The following RNLS variants were observed in gnomAD, a reference collection of about 807,000 sequenced individuals.
RNLS encodes renalase, FAD dependent amine oxidase.
RNLS carries 39 observed loss-of-function variants against 39.8 expected under a neutral mutation model. The observed-to-expected ratio is 0.98, with a 90% CI of 0.76 to 1.28. RNLS has a LOEUF of 1.28. Ranked by LOEUF, RNLS falls within the 50% of genes most tolerant of loss-of-function variation. RNLS has a pLI of 0.00. For synonymous variants in RNLS, 147 were observed against 150.7 expected (o/e 0.98, Z 0.18); for missense variants, 410 against 413.3 (o/e 0.99, Z 0.07).
At chr10:88,565,894 C>T (rs575064789) in intron 4 of RNLS, among the ~76,000 whole-genome samples, 2 of 151,462 alleles carry the variant, frequency 1.3e-5, no homozygotes, top group Non-Finnish European at 1.5e-5. Context: ...GGACTACAGG[C>T]GCACTCCACC....
the RNLS span, among the ~76,000 whole-genome samples, chr10:88,202,471 T>C: frequency 6.6e-6 from 1 of 152,178 alleles, no homozygotes; most frequent in Non-Finnish European, 1.5e-5. Context: ...TTTTAGTTTC[T>C]TTCTCATCAC....
intron 4 of RNLS, among the ~76,000 whole-genome samples, chr10:88,482,207 C>G (rs2134023276): frequency 6.6e-6 from 1 of 152,220 alleles, no homozygotes; most frequent in Non-Finnish European, 1.5e-5. Context: ...TTTGGCAACT[C>G]TTTGGCCATT....
intron 4 of RNLS, among the ~76,000 whole-genome samples, chr10:88,377,927 C>A (rs572012093): frequency 2.0e-5 from 3 of 151,842 alleles, no homozygotes; most frequent in African/African-American, 7.2e-5. Context: ...CATAGCTGTA[C>A]GAAAATATTT....
chr10:88,188,188 C>T, the RNLS span, among the ~76,000 whole-genome samples: 1 of 152,138 alleles, frequency 6.6e-6, no homozygotes, highest in Non-Finnish European at 1.5e-5. Context: ...TCCTGCATAG[C>T]TAGGACTACA....
At chr10:88,511,978 T>A (rs974869984) in intron 4 of RNLS, among the ~76,000 whole-genome samples, 1 of 152,176 alleles carries the variant, frequency 6.6e-6, no homozygotes, top group Admixed American at 6.6e-5. Context: ...ATTGTGGATA[T>A]TTAAGTTGTT....
intron 4 of RNLS, among the ~76,000 whole-genome samples, chr10:88,467,291 T>TA (rs903027375): frequency 1.1e-4 from 17 of 151,170 alleles, no homozygotes; most frequent in Middle Eastern, 3.4e-3. Flanking sequence ...TGTGGGAAAT[T>TA]AAAAAAAATA....
intron 4 of RNLS, among the ~76,000 whole-genome samples, chr10:88,414,865 G>A (rs1424578459): frequency 6.6e-6 from 1 of 152,122 alleles, no homozygotes; most frequent in Admixed American, 6.6e-5. Context: ...TAGAAGTTTG[G>A]TCTTGGCCAG....
At chr10:88,242,065 G>A in the RNLS span, among the ~76,000 whole-genome samples, 1 of 152,050 alleles carries the variant, frequency 6.6e-6, no homozygotes, top group Non-Finnish European at 1.5e-5. Flanking sequence ...TTTCATCTCT[G>A]TATTCCTAGA....
chr10:88,412,155 G>T (rs1853696542), intron 4 of RNLS, among the ~76,000 whole-genome samples: 2 of 152,032 alleles, frequency 1.3e-5, no homozygotes, highest in Admixed American at 1.3e-4. Context: ...AGGCAGGGGG[G>T]TCAGGTGAGA....
intron 4 of RNLS, among the ~76,000 whole-genome samples, chr10:88,381,490 T>C (rs922050374): frequency 2.0e-5 from 3 of 151,744 alleles, no homozygotes; most frequent in Non-Finnish European, 4.4e-5. Context: ...TGTATTTATA[T>C]ATATATACAT....
the RNLS span, among the ~76,000 whole-genome samples, chr10:88,238,331 C>T: frequency 3.9e-5 from 6 of 152,174 alleles, no homozygotes; most frequent in Admixed American, 6.5e-5. Context: ...CCCAGAGCCT[C>T]GGAGGCTATG....
At chr10:88,524,077 T>C (rs922753601) in intron 4 of RNLS, among the ~76,000 whole-genome samples, 8 of 152,108 alleles carry the variant, frequency 5.3e-5, no homozygotes, top group African/African-American at 1.9e-4. Context: ...GAACTCTATC[T>C]TCTCGTAATT....
At chr10:88,214,804 A>G in the RNLS span, among the ~76,000 whole-genome samples, 1 of 152,142 alleles carries the variant, frequency 6.6e-6, no homozygotes, top group Non-Finnish European at 1.5e-5. Flanking sequence ...TAACTTTCAT[A>G]TTTTTATAAA....
chr10:88,555,398 T>C (rs1465163774), intron 4 of RNLS, among the ~76,000 whole-genome samples: 6 of 152,214 alleles, frequency 3.9e-5, no homozygotes, highest in South Asian at 2.1e-4. Flanking sequence ...TGTTTGGTCA[T>C]GGGGGCGGAT....
intron 5 of RNLS, among the ~76,000 whole-genome samples, chr10:88,352,902 T>C (rs1848839194): frequency 6.6e-6 from 1 of 152,228 alleles, no homozygotes; most frequent in Admixed American, 6.5e-5. Flanking sequence ...TATTAAGAGA[T>C]TCAACTTCTT....
chr10:88,542,185 G>A (rs759396050), intron 4 of RNLS, among the ~76,000 whole-genome samples: 1 of 152,038 alleles, frequency 6.6e-6, no homozygotes, highest in Admixed American at 6.6e-5. Context: ...TCTCTAAATC[G>A]TTGAACCTCA....
At chr10:88,339,030 G>A (rs1426241651) in intron 5 of RNLS, among the ~76,000 whole-genome samples, 2 of 152,102 alleles carry the variant, frequency 1.3e-5, no homozygotes, top group Admixed American at 6.5e-5. Flanking sequence ...CCAAAGTGCC[G>A]AGCCACCGTG....
At chr10:88,292,446 A>G (rs1843736103) in intron 6 of RNLS, among the ~76,000 whole-genome samples, 1 of 151,902 alleles carries the variant, frequency 6.6e-6, no homozygotes, top group South Asian at 2.1e-4. Flanking sequence ...CTTCACATTT[A>G]GCAAGGCTTT....
intron 6 of RNLS, among the ~76,000 whole-genome samples, chr10:88,288,201 C>A (rs1432308232): frequency 1.3e-5 from 2 of 152,140 alleles, no homozygotes; most frequent in Non-Finnish European, 2.9e-5. Context: ...ATTTAATTCA[C>A]ATAGCAACCC....
Sources: allele counts gnomAD v4.1 joint callset (sites outside exome capture counted in the v4.1 genomes callset), GRCh38; gene constraint gnomAD v4.1.1; transcripts MANE v1.5; gene names NCBI Gene and HGNC (gene_info 2026-07-23, HGNC 2026-07-21).